RUFY3: variants seen among roughly 807,000 people sequenced by gnomAD.
The protein encoded by RUFY3 is RUN and FYVE domain containing 3.
In RUFY3, 34 loss-of-function variants were observed where a neutral mutation model predicts 84.0. The ratio of observed to expected loss-of-function variants is 0.40; its 90% CI spans 0.31 to 0.54. The LOEUF (loss-of-function observed/expected upper bound fraction) is 0.54. Ranked by LOEUF, RUFY3 falls within the 20% of genes least tolerant of loss-of-function variation. The pLI, the probability that RUFY3 is intolerant of heterozygous loss-of-function variation, is 0.39. For synonymous variants in RUFY3, 242 were observed against 252.9 expected (o/e 0.96, Z 0.41); for missense variants, 507 against 736.8 (o/e 0.69, Z 3.61).
intron 1 of RUFY3, among the ~76,000 whole-genome samples, chr4:70,745,929 AC>A (rs1450428035): frequency 6.6e-6 from 1 of 152,132 alleles, no homozygotes; most frequent in Non-Finnish European, 1.5e-5. Context: ...TACTAAAAAT[AC>A]AAAAAATTGC....
intron 1 of RUFY3, among the ~76,000 whole-genome samples, chr4:70,713,139 TC>T (rs1191591167): frequency 1.3e-5 from 2 of 152,242 alleles, no homozygotes; most frequent in African/African-American, 4.8e-5. Flanking sequence ...TTCTCCTGCC[TC>T]AGTCTCCTGA....
upstream of RUFY3, among the ~76,000 whole-genome samples, chr4:70,717,492 T>A (rs953830120): frequency 6.6e-6 from 1 of 152,162 alleles, no homozygotes; most frequent in African/African-American, 2.4e-5. Context: ...AGCATTAAGG[T>A]GTAAAGTATG....
At chr4:70,742,068 T>C (rs1252924000) in intron 1 of RUFY3, among the ~76,000 whole-genome samples, 1 of 151,566 alleles carries the variant, frequency 6.6e-6, no homozygotes, top group Non-Finnish European at 1.5e-5. Context: ...CCTGGAATGT[T>C]GCTCTGATTT....
intron 1 of RUFY3, among the ~76,000 whole-genome samples, chr4:70,723,933 A>G (rs759026563): frequency 2.0e-5 from 3 of 152,152 alleles, no homozygotes; most frequent in African/African-American, 7.2e-5. Flanking sequence ...AGTTTTAGGG[A>G]TGGTTAATAA....
At chr4:70,791,738 C>T (rs1730852085) in intron 12 of RUFY3, 2 of 993,238 alleles carry the variant, frequency 2.0e-6, no homozygotes, top group East Asian at 1.1e-4. Flanking sequence ...AGGTAACTAC[C>T]ATGTGAACTT....
intron 7 of RUFY3, among the ~76,000 whole-genome samples, chr4:70,778,053 G>A (rs536583608): frequency 2.0e-5 from 3 of 152,166 alleles, no homozygotes; most frequent in Admixed American, 1.3e-4. Context: ...GCAACATGGT[G>A]CAACCCCATC....
chr4:70,782,157 A>G (rs1729029284), intron 8 of RUFY3, among the ~76,000 whole-genome samples: 1 of 152,138 alleles, frequency 6.6e-6, no homozygotes, highest in Admixed American at 6.5e-5. Flanking sequence ...CCTTTATTAA[A>G]CATTTTAGAA....
intron 9 of RUFY3, among the ~76,000 whole-genome samples, chr4:70,783,918 T>C (rs1390167634): frequency 2.6e-5 from 4 of 152,204 alleles, no homozygotes; most frequent in Non-Finnish European, 5.9e-5. Flanking sequence ...TAGGATGATC[T>C]CTACTTTCTT....
At chr4:70,749,639 A>G (rs1045882852) in intron 1 of RUFY3, among the ~76,000 whole-genome samples, 1 of 149,030 alleles carries the variant, frequency 6.7e-6, no homozygotes, top group African/African-American at 2.5e-5. Context: ...AAGCAGAATT[A>G]CTTTTTTCTT....
At chr4:70,743,346 A>G (rs151174575) in intron 1 of RUFY3, among the ~76,000 whole-genome samples, 4 of 152,258 alleles carry the variant, frequency 2.6e-5, no homozygotes, top group African/African-American at 9.6e-5. Context: ...TGCTGGGATT[A>G]CAAGTGTGAA....
intron 1 of RUFY3, among the ~76,000 whole-genome samples, chr4:70,739,054 G>A (rs1001823432): frequency 1.1e-4 from 16 of 151,040 alleles, no homozygotes; most frequent in Admixed American, 1.1e-3. Flanking sequence ...ATGACTTAAT[G>A]TGTTACCTTT....
At chr4:70,805,253 C>G (rs1490164121) in intron 17 of RUFY3, among the ~76,000 whole-genome samples, 1 of 152,196 alleles carries the variant, frequency 6.6e-6, no homozygotes. Flanking sequence ...ATGAGCTCTC[C>G]CTGCTAGACC....
At chr4:70,754,288 G>A (rs573768901) in intron 1 of RUFY3, among the ~76,000 whole-genome samples, 88 of 152,126 alleles carry the variant, frequency 5.8e-4, no homozygotes, top group African/African-American at 2.0e-3. Flanking sequence ...CCTGACCTCA[G>A]GTAATCCACC....
chr4:70,776,510 C>T (rs1014846527), intron 7 of RUFY3, among the ~76,000 whole-genome samples: 4 of 152,192 alleles, frequency 2.6e-5, no homozygotes, highest in African/African-American at 4.8e-5. Context: ...AGCAGTGGCT[C>T]ACGCCTATAA....
chr4:70,794,455 C>T (rs978062499), intron 13 of RUFY3, among the ~76,000 whole-genome samples: 1 of 152,078 alleles, frequency 6.6e-6, no homozygotes, highest in African/African-American at 2.4e-5. Context: ...GTGGTGGGTG[C>T]CAGTAATCCC....
chr4:70,800,500 A>G (rs1344403077), intron 15 of RUFY3, among the ~76,000 whole-genome samples: 1 of 152,246 alleles, frequency 6.6e-6, no homozygotes. Flanking sequence ...CTGAATTGGT[A>G]TCCCAGGAAA....
Position 70,722,162 on chromosome 4 carries a change from A to C in RUFY3, c.-412A>C, listed in dbSNP as rs1742375846. The C allele has an allele frequency of 4.1e-5, 50 of 1,230,966 alleles. No homozygotes were observed. The highest frequency in any genetic ancestry group is 5.0e-5 in the Non-Finnish European group (49 of 987,700). The allele number at this position is 1,230,966 out of a possible 1,614,324, so 76.3% of individuals were successfully genotyped here. A position where few individuals can be genotyped will look rare whatever the true frequency, so the allele number is the denominator to read the frequency against. The stretch of plus-strand genomic sequence containing the variant: ...TTTATATTTTTTTTCTGCACAAAGG[A>C]GGAGGATTTTTCACTTACTCATATC... On this transcript the variant is annotated 5_prime_UTR_variant, in exon 1 of 18. Transcript: ENST00000381006.
At chr4:70,766,195 A>G (rs1725880128) in intron 4 of RUFY3, among the ~76,000 whole-genome samples, 1 of 152,190 alleles carries the variant, frequency 6.6e-6, no homozygotes, top group Non-Finnish European at 1.5e-5. Flanking sequence ...TGTTTTAATC[A>G]TGATGTCAAA....
chr4:70,793,147 G>T (rs1465042932), intron 12 of RUFY3: 11 of 985,908 alleles, frequency 1.1e-5, no homozygotes, highest in Non-Finnish European at 1.3e-5. Context: ...AACAGGCCCA[G>T]TGCTGAGTTC....
Sources: gnomAD v4.1 joint callset for allele counts (sites outside exome capture counted in the v4.1 genomes callset) on GRCh38, gnomAD v4.1.1 for gene constraint, MANE v1.5 for transcripts, NCBI Gene and HGNC (gene_info 2026-07-23, HGNC 2026-07-21) for gene names.